HERPUD1: variants seen among roughly 807,000 people sequenced by gnomAD.
HERPUD1 encodes the protein homocysteine-responsive endoplasmic reticulum-resident ubiquitin-like domain member 1 protein.
A neutral mutation model predicts 45.0 loss-of-function variants in HERPUD1; 17 were observed. The observed-to-expected ratio is 0.38, with a 90% CI of 0.26 to 0.57. HERPUD1 has a LOEUF of 0.57. Ranked by LOEUF, HERPUD1 falls within the 20% of genes least tolerant of loss-of-function variation. The pLI is 0.72. For synonymous variants in HERPUD1, 164 were observed against 177.5 expected (o/e 0.92, Z 0.61); for missense variants, 420 against 490.5 (o/e 0.86, Z 1.36).
At chr16:56,939,029 G>T in intron 4 of HERPUD1, 1 of 591,566 alleles carries the variant, frequency 1.7e-6, no homozygotes, top group South Asian at 2.1e-5. Flanking sequence ...TTTCCTGTGG[G>T]ATGGGACTGT....
intron 3 of HERPUD1, 106 bp downstream of exon 3, chr16:56,935,581 T>C (rs1372282145): frequency 1.4e-5 from 13 of 900,658 alleles, no homozygotes; most frequent in Middle Eastern, 2.4e-4. Context: ...TATGGTGTTA[T>C]TACCAAGTAA....
chr16:56,941,513 G>A (rs561023090), intron 6 of HERPUD1: 3 of 152,312 alleles, frequency 2.0e-5, no homozygotes, highest in Admixed American at 6.5e-5. Context: ...AGCTGAGAAA[G>A]CCTGGCCTAG....
Position 56,939,164 on chromosome 16 carries a change from T to G in HERPUD1, c.432-73T>G. On this transcript the variant is annotated intron_variant, in intron 4 of 7. Coordinates refer to ENST00000439977, the MANE Select transcript of HERPUD1 (RefSeq NM_014685.4). ...TCTCTTCGATTTGAATTCTTGATTT[T>G]AATTTAAACTTAGTTTTCATTTGTT... 3 of 1,513,414 alleles carry G rather than the reference T, an allele frequency of 2.0e-6. No homozygotes were observed. In the South Asian group the frequency reaches 3.5e-5, roughly 18 times the overall value. 93.7% of individuals were successfully genotyped at this position (1,513,414 alleles called of 1,614,324 possible).
chr16:56,937,040 G>A (rs1166752848), intron 4 of HERPUD1: 2 of 307,418 alleles, frequency 6.5e-6, no homozygotes, highest in Non-Finnish European at 1.2e-5. Context: ...TGCATATATT[G>A]AAAAAAAAAA....
At chr16:56,942,428 T>A (rs1448352651) in intron 7 of HERPUD1, among the ~76,000 whole-genome samples, 191 bp downstream of exon 7, 1 of 152,248 alleles carries the variant, frequency 6.6e-6, no homozygotes, top group Non-Finnish European at 1.5e-5. Context: ...CTATCACATA[T>A]TTTTGACGTG....
At chr16:56,941,295 C>G (rs1296462929) in intron 6 of HERPUD1, 1 of 152,192 alleles carries the variant, frequency 6.6e-6, no homozygotes, top group Non-Finnish European at 1.5e-5. Flanking sequence ...AGCTGTGGCC[C>G]GAAGCAGTAG....
intron 6 of HERPUD1, chr16:56,940,485 C>A (rs1462382718): frequency 4.6e-6 from 2 of 431,070 alleles, no homozygotes; most frequent in Non-Finnish European, 8.4e-6. Context: ...TTTTATATTT[C>A]TAGTAGAGAC....
chr16:56,939,845 T>G, intron 5 of HERPUD1, 50 bp from the exon 6 acceptor site: 1 of 1,422,924 alleles, frequency 7.0e-7, no homozygotes, highest in South Asian at 1.2e-5. Context: ...GCCACAGACT[T>G]CACGGTGCTT....
At chr16:56,942,057 TG>T in intron 6 of HERPUD1, 74 bp from the exon 7 acceptor site, 1 of 1,152,194 alleles carries the variant, frequency 8.7e-7, no homozygotes, top group Non-Finnish European at 1.3e-6. Flanking sequence ...TGATTAGAGG[TG>T]GGGAGCCTTG....
At chr16:56,938,752 TA>T in intron 4 of HERPUD1, among the ~76,000 whole-genome samples, 1 of 152,058 alleles carries the variant, frequency 6.6e-6, no homozygotes, top group Non-Finnish European at 1.5e-5. Flanking sequence ...CGGTGGTCAG[TA>T]AGCATGCACA....
At chr16:56,942,780 G>A (rs1297652164) in intron 7 of HERPUD1, among the ~76,000 whole-genome samples, 1 of 152,186 alleles carries the variant, frequency 6.6e-6, no homozygotes, top group African/African-American at 2.4e-5. Context: ...GGGAGGTGGA[G>A]GTTGCAGTAA....
chr16:56,934,699 A>ATTTTTTTTTTTTT (rs1257594998), intron 1 of HERPUD1, among the ~76,000 whole-genome samples: 1 of 73,102 alleles, frequency 1.4e-5, no homozygotes, highest in African/African-American at 5.7e-5. Context: ...ATAATTTGCC[A>ATTTTTTTTTTTTT]TTCTTTTTTT....
chr16:56,939,202 A>G (rs1391927338), intron 4 of HERPUD1, 35 bp from the exon 5 acceptor site: 2 of 1,607,176 alleles, frequency 1.2e-6, no homozygotes, highest in Non-Finnish European at 1.7e-6. Context: ...TACTCAACCC[A>G]CTCAAAATGA....
In HERPUD1 at chr16:56,939,351, C is replaced by T; in HGVS notation, c.546C>T (p.Tyr182=). Residue 182 remains tyrosine, a synonymous_variant, in exon 5 of 8, where the codon TAC becomes TAT. Transcript: ENST00000439977. The part of the protein sequence containing the change: ...WFQQIYARQY[Y]MQYLAATAAS... The stretch of plus-strand genomic sequence containing the variant: ...AGCAGATATATGCACGACAGTACTA[C>T]ATGCAATAGTGAGTCCTTCCCGCCA... 2 of 1,614,178 alleles carry T rather than the reference C, an allele frequency of 1.2e-6. No homozygotes were observed. The highest frequency in any genetic ancestry group is 1.7e-6 in the Non-Finnish European group (2 of 1,180,030).
At chr16:56,939,772 A>G in intron 5 of HERPUD1, 123 bp from the exon 6 acceptor site, 2 of 721,286 alleles carry the variant, frequency 2.8e-6, no homozygotes, top group East Asian at 2.6e-5. Context: ...TAAATTGAAG[A>G]AAAATCAAAG....
At chr16:56,938,948 G>A (rs1197165041) in intron 4 of HERPUD1, among the ~76,000 whole-genome samples, 2 of 152,120 alleles carry the variant, frequency 1.3e-5, no homozygotes, top group African/African-American at 4.8e-5. Flanking sequence ...AAACTGAGGT[G>A]GGATCTACTT....
intron 1 of HERPUD1, among the ~76,000 whole-genome samples, chr16:56,932,934 T>C (rs542736360): frequency 2.5e-4 from 38 of 152,186 alleles, no homozygotes; most frequent in African/African-American, 8.2e-4. Flanking sequence ...AGTCCCGGGG[T>C]GGAGCCCCGT....
chr16:56,937,056 T>G (rs1363025346), intron 4 of HERPUD1: 1 of 299,080 alleles, frequency 3.3e-6, no homozygotes, highest in East Asian at 6.7e-5. Context: ...AAAAAGAAAA[T>G]GTAGGCGTTT....
chr16:56,938,022 A>G (rs1302652473), intron 4 of HERPUD1, among the ~76,000 whole-genome samples: 1 of 152,142 alleles, frequency 6.6e-6, no homozygotes, highest in Non-Finnish European at 1.5e-5. Flanking sequence ...TCTGAATCTC[A>G]CCATATTTAA....
Sources: allele counts gnomAD v4.1 joint callset (sites outside exome capture counted in the v4.1 genomes callset), GRCh38; gene constraint gnomAD v4.1.1; transcripts MANE v1.5; gene names NCBI Gene and HGNC (gene_info 2026-07-23, HGNC 2026-07-21).